PHF21B: variants seen among roughly 807,000 people sequenced by gnomAD.
PHF21B encodes the protein PHD finger protein 4.
A neutral mutation model predicts 62.2 loss-of-function variants in PHF21B; 22 were observed. The observed-to-expected ratio is 0.35, with a 90% CI of 0.25 to 0.51. PHF21B has a LOEUF of 0.51. Among genes scored for constraint, PHF21B ranks in the 20% least tolerant of loss-of-function variants. The pLI, the probability that PHF21B is intolerant of heterozygous loss-of-function variation, is 0.97. For synonymous variants in PHF21B, 341 were observed against 314.7 expected (o/e 1.08, Z -0.88); for missense variants, 701 against 707.9 (o/e 0.99, Z 0.11).
chr22:44,982,972 G>A (rs938285625), intron 2 of PHF21B, among the ~76,000 whole-genome samples: 6 of 152,132 alleles, frequency 3.9e-5, no homozygotes, highest in South Asian at 2.1e-4. Context: ...GGCCGGGCGC[G>A]GTGGCTCATG....
At chr22:44,933,263 C>T (rs1407855553) in intron 2 of PHF21B, among the ~76,000 whole-genome samples, 1 of 152,312 alleles carries the variant, frequency 6.6e-6, no homozygotes, top group South Asian at 2.1e-4. Flanking sequence ...AGGCATGTGC[C>T]ACCACGCCTG....
At chr22:45,002,401 T>C (rs2073236513) in intron 2 of PHF21B, among the ~76,000 whole-genome samples, 1 of 152,204 alleles carries the variant, frequency 6.6e-6, no homozygotes, top group Non-Finnish European at 1.5e-5. Flanking sequence ...AATTGCCTTC[T>C]GGGGCTTCCA....
At chr22:44,944,226 G>A (rs895604400) in intron 2 of PHF21B, among the ~76,000 whole-genome samples, 1 of 152,244 alleles carries the variant, frequency 6.6e-6, no homozygotes, top group African/African-American at 2.4e-5. Flanking sequence ...TGGCAAAGGT[G>A]CCCTGAGCAG....
chr22:44,922,652 A>G (rs1023204010), intron 2 of PHF21B, among the ~76,000 whole-genome samples: 5 of 152,326 alleles, frequency 3.3e-5, no homozygotes, highest in East Asian at 1.9e-4. Context: ...GAAAAAAAAA[A>G]TCAGTTGTGT....
At chr22:44,917,353 G>A (rs2071456764) in intron 3 of PHF21B, among the ~76,000 whole-genome samples, 1 of 152,154 alleles carries the variant, frequency 6.6e-6, no homozygotes, top group Non-Finnish European at 1.5e-5. Flanking sequence ...AGTGCTGGGT[G>A]TACTTGACTG....
rs778076383 is a variant in PHF21B at position 44,916,473 on chromosome 22, G to T, written c.371C>A (p.Pro124Gln). The T allele has an allele frequency of 1.2e-6, 2 of 1,605,588 alleles. No individual in the cohort carries two copies. Among genetic ancestry groups the T allele is most frequent in the Non-Finnish European group, 8.5e-7 (1 of 1,178,700 alleles). The change falls in exon 4 of 13, where the codon CCA (proline) becomes CAA (glutamine). Residue 124 changes from proline (P) to glutamine (Q), a missense_variant. Coordinates refer to ENST00000313237, the MANE Select transcript of PHF21B (RefSeq NM_138415.5). ...PTANNTVSHV[P>Q]APGSQPQALA... The stretch of plus-strand genomic sequence containing the variant: ...GGCCTGGGGCTGGCTGCCGGGCGCT[G>T]GCACATGGCTGACAGTGTTGTTGGC...
intron 2 of PHF21B, among the ~76,000 whole-genome samples, chr22:45,005,650 G>A (rs2073302248): frequency 6.6e-6 from 1 of 152,166 alleles, no homozygotes; most frequent in Non-Finnish European, 1.5e-5. Context: ...TCCGCTGCTG[G>A]CGTACTGCTA....
chr22:45,005,415 T>C (rs2073297087), intron 2 of PHF21B, among the ~76,000 whole-genome samples: 1 of 152,226 alleles, frequency 6.6e-6, no homozygotes, highest in Non-Finnish European at 1.5e-5. Flanking sequence ...CAAGGTCCTA[T>C]GTAAACTCAC....
intron 4 of PHF21B, among the ~76,000 whole-genome samples, chr22:44,915,058 T>C (rs757963823): frequency 3.2e-4 from 49 of 152,338 alleles, no homozygotes; most frequent in Middle Eastern, 3.4e-3. Context: ...GACTGTCTGA[T>C]GAATTTGAGG....
At chr22:44,943,357 G>C (rs953833067) in intron 2 of PHF21B, among the ~76,000 whole-genome samples, 1 of 152,146 alleles carries the variant, frequency 6.6e-6, no homozygotes, top group Admixed American at 6.5e-5. Context: ...CTGGCCCGGG[G>C]AGGCCAGAAA....
At chr22:44,952,943 G>GCTGGGCTGCCCTGTGCC (rs201423430) in intron 2 of PHF21B, among the ~76,000 whole-genome samples, 2,590 of 152,262 alleles carry the variant, frequency 0.017, 81 homozygotes, top group African/African-American at 0.058. Flanking sequence ...AGCCCTGTGT[G>GCTGGGCTGCCCTGTGCC]CTGGGCTGCC....
intron 2 of PHF21B, among the ~76,000 whole-genome samples, chr22:44,923,587 G>C (rs752410479): frequency 3.9e-5 from 6 of 151,928 alleles, no homozygotes; most frequent in Non-Finnish European, 7.4e-5. Context: ...CCACACCCTG[G>C]AAAAAAACAC....
intron 2 of PHF21B, among the ~76,000 whole-genome samples, chr22:45,006,791 T>C (rs943825028): frequency 7.2e-5 from 11 of 152,120 alleles, no homozygotes. Flanking sequence ...ACTTGCCGTT[T>C]TACCCAGTGA....
chr22:44,949,170 G>A (rs567346554), intron 2 of PHF21B, among the ~76,000 whole-genome samples: 1 of 152,136 alleles, frequency 6.6e-6, no homozygotes, highest in East Asian at 1.9e-4. Flanking sequence ...GTGTAGTGGC[G>A]CATGCCTGTA....
chr22:44,923,088 G>T (rs369310893), intron 2 of PHF21B, among the ~76,000 whole-genome samples: 4 of 151,460 alleles, frequency 2.6e-5, no homozygotes, highest in African/African-American at 9.8e-5. Context: ...TCCAAGACCC[G>T]CTATAAAGCT....
At chr22:44,891,493 C>T (rs1262563850) in intron 7 of PHF21B, 133 bp from the exon 8 acceptor site, 5 of 1,007,898 alleles carry the variant, frequency 5.0e-6, no homozygotes, top group Non-Finnish European at 7.5e-6. Context: ...TGGACACCCC[C>T]TGCCAGGGGC....
Position 44,916,561 on chromosome 22 carries a change from G to A in PHF21B, c.283C>T (p.Pro95Ser), listed in dbSNP as rs780181999. 1 of 1,608,436 alleles carries A rather than the reference G, an allele frequency of 6.2e-7. No homozygotes were observed. Among genetic ancestry groups the A allele is most frequent in the Non-Finnish European group, 8.5e-7 (1 of 1,179,920 alleles). ...APGRDRPPKQ[P>S]PTFQKATVVS... ...ACGGTGGCCTTCTGGAATGTTGGGG[G>A]CTGCTTGGGTGGCCGGTCCCGGCCC... The change falls in exon 4 of 13, where the codon CCC becomes TCC. Residue 95 changes from proline (P) to serine (S), a missense_variant. Physicochemically the swap from Pro to Ser is moderately conservative, Grantham distance 74 (BLOSUM62 -1). Transcript: ENST00000313237.
chr22:44,885,376 G>A (rs764585511), intron 12 of PHF21B, 50 bp downstream of exon 12: 22 of 1,505,452 alleles, frequency 1.5e-5, no homozygotes, highest in Non-Finnish European at 2.0e-5. Flanking sequence ...CCTAGACCCG[G>A]GGCACACCTG....
At chr22:45,000,149 A>G (rs1401820764) in intron 2 of PHF21B, among the ~76,000 whole-genome samples, 3 of 152,190 alleles carry the variant, frequency 2.0e-5, no homozygotes, top group Admixed American at 1.3e-4. Context: ...TCCAGTTTTA[A>G]AGCCTGCACT....
Sources: allele counts gnomAD v4.1 joint callset (sites outside exome capture counted in the v4.1 genomes callset), GRCh38; gene constraint gnomAD v4.1.1; transcripts MANE v1.5; gene names NCBI Gene and HGNC (gene_info 2026-07-23, HGNC 2026-07-21).